The following NOS1 variants were observed in gnomAD, a reference collection of about 807,000 sequenced individuals.
NOS1 encodes nitric oxide synthase 1, also known as NOS type I.
Under a neutral mutation model 164.5 loss-of-function variants are expected in NOS1, and 51 were observed. The ratio of observed to expected loss-of-function variants is 0.31; its 90% CI spans 0.25 to 0.39. NOS1 has a LOEUF of 0.39. Ranked by LOEUF, NOS1 falls within the 10% of genes least tolerant of loss-of-function variation. NOS1 has a pLI of 1.00. For synonymous variants in NOS1, 719 were observed against 745.8 expected (o/e 0.96, Z 0.59); for missense variants, 1,362 against 1,885.6 (o/e 0.72, Z 5.14).
chr12:117,295,361 T>C (rs1374844274), intron 3 of NOS1, among the ~76,000 whole-genome samples: 2 of 152,224 alleles, frequency 1.3e-5, no homozygotes, highest in African/African-American at 4.8e-5. Flanking sequence ...CAAATGTTAG[T>C]ATCCATAAAT....
rs555196103 is a variant in NOS1 at position 117,315,208 on chromosome 12, ATTAT to A, written c.726-3620_726-3617del. On this transcript the variant is annotated intron_variant, in intron 2 of 28. Transcript: ENST00000317775. Reference sequence around the variant, plus strand: ...TGTGTGATGAGCACATAAAATTTTTATTATTTATTTTTTTTTAGATAGTCTTGCT... The same window carrying A: ...TGTGTGATGAGCACATAAAATTTTTATTATTTTTTTTTAGATAGTCTTGCT... 2.0e-4 allele frequency among the ~76,000 whole-genome samples: 31 copies of A among 151,994 alleles called. No homozygotes were observed. The South Asian group carries it at 6.0e-3, about 30-fold the overall frequency.
At chr12:117,277,885 G>C in intron 9 of NOS1, 74 bp downstream of exon 9, 2 of 1,494,036 alleles carry the variant, frequency 1.3e-6, no homozygotes, top group Non-Finnish European at 1.8e-6. Context: ...AAAGCCAGGG[G>C]GGATGGGGCT....
chr12:117,254,115 A>T lies in NOS1; in HGVS notation c.2532-361T>A, dbSNP rs941216949. Among the ~76,000 whole-genome samples the T allele has an allele frequency of 1.7e-4, 25 of 151,304 alleles. 2 individuals are homozygous for T. The highest frequency in any genetic ancestry group is 3.9e-4 in the East Asian group (2 of 5,148). On this transcript the variant is annotated intron_variant, in intron 16 of 28. Transcript: ENST00000317775. The stretch of plus-strand genomic sequence containing the variant: ...TCCCTTGTTTCTAAAAAAAAAAAAA[A>T]TTTTTTTTTGAGACAGAGTTTCACT...
In NOS1 at chr12:117,211,716, T is replaced by C. The variant is rs1956531135; in HGVS notation, c.*3593A>G. ...GAAGCTACCAGTGAAATCCCGCCCA[T>C]TTCTCAAACCCCAGAAATTTATGTC... On this transcript the variant is annotated 3_prime_UTR_variant, in exon 29 of 29. Coordinates refer to ENST00000317775, the MANE Select transcript of NOS1 (RefSeq NM_000620.5). 20 of 985,518 alleles carry C rather than the reference T, an allele frequency of 2.0e-5. No homozygotes were observed. Among genetic ancestry groups the C allele is most frequent in the Non-Finnish European group, 2.4e-5 (20 of 830,036 alleles). The allele number at this position is 985,518 out of a possible 1,614,324, so 61.0% of individuals were successfully genotyped here.
chr12:117,355,021 A>G (rs1566089005), intron 1 of NOS1, among the ~76,000 whole-genome samples: 1 of 152,202 alleles, frequency 6.6e-6, no homozygotes, highest in Non-Finnish European at 1.5e-5. Flanking sequence ...TTTAATCCTC[A>G]TGGTAGCAAA....
chr12:117,354,557 C>T (rs1876776086), intron 1 of NOS1, among the ~76,000 whole-genome samples: 2 of 152,192 alleles, frequency 1.3e-5, no homozygotes, highest in South Asian at 4.1e-4. Flanking sequence ...CAAAATATGT[C>T]AGTTGCTATC....
intron 20 of NOS1, among the ~76,000 whole-genome samples, chr12:117,235,369 C>T (rs1386293625): frequency 6.6e-6 from 1 of 152,100 alleles, no homozygotes; most frequent in African/African-American, 2.4e-5. Flanking sequence ...TGGATTCTAG[C>T]ACCCCATTCT....
chr12:117,317,144 G>T (rs1277264388), intron 2 of NOS1, among the ~76,000 whole-genome samples: 1 of 152,036 alleles, frequency 6.6e-6, no homozygotes, highest in Non-Finnish European at 1.5e-5. Context: ...GCCTCCCAAA[G>T]CGTTGGGATT....
intron 15 of NOS1, 29 bp downstream of exon 15, chr12:117,258,997 A>G (rs1266338650): frequency 6.6e-7 from 1 of 1,521,774 alleles, no homozygotes; most frequent in Admixed American, 1.7e-5. Context: ...ATGGAACCAC[A>G]CTCTTGAACA....
chr12:117,266,624 A>G (rs551554760), intron 11 of NOS1, among the ~76,000 whole-genome samples: 1 of 148,738 alleles, frequency 6.7e-6, no homozygotes, highest in Non-Finnish European at 1.5e-5. Context: ...CGCAACCTCT[A>G]TCTTCCAGGC....
intron 8 of NOS1, among the ~76,000 whole-genome samples, chr12:117,278,832 A>AATATTACT (rs1284157404): frequency 2.7e-5 from 4 of 149,436 alleles, no homozygotes; most frequent in Non-Finnish European, 5.9e-5. Flanking sequence ...TAGTATATTA[A>AATATTACT]ATATTACTAT....
intron 13 of NOS1, among the ~76,000 whole-genome samples, chr12:117,263,653 C>T (rs907890970): frequency 6.6e-6 from 1 of 150,518 alleles, no homozygotes; most frequent in East Asian, 2.0e-4. Context: ...CACCATTGCC[C>T]CCAGGACAAG....
chr12:117,277,875 A>C (rs549557071), intron 9 of NOS1, 84 bp downstream of exon 9: 4 of 1,472,458 alleles, frequency 2.7e-6, no homozygotes, highest in Non-Finnish European at 2.8e-6. Flanking sequence ...GACTAGAAAG[A>C]AAGCCAGGGG....
Position 117,286,387 on chromosome 12 carries a change from G to A in NOS1, c.1128-121C>T, listed in dbSNP as rs1179831909. The A allele has an allele frequency of 1.2e-5, 12 of 1,015,306 alleles. No homozygotes were observed. In the African/African-American group the frequency reaches 1.8e-4, roughly 15 times the overall value. 62.9% of individuals were successfully genotyped at this position (1,015,306 alleles called of 1,614,324 possible). On this transcript the variant is annotated intron_variant, in intron 5 of 28. Coordinates refer to ENST00000317775, the MANE Select transcript of NOS1 (RefSeq NM_000620.5). ...AAAAATTCCAAGTTGATTTCTGGAT[G>A]CAACAGTTTGATTTCTGGATGCAAG...
intron 7 of NOS1, among the ~76,000 whole-genome samples, chr12:117,283,855 C>CAAAAAAAAA (rs61448842): frequency 1.6e-5 from 1 of 63,710 alleles, no homozygotes; most frequent in African/African-American, 6.6e-5. Context: ...GACTCTGTCT[C>CAAAAAAAAA]AAAAAAAAAA....
rs767105869 is a variant in NOS1, at chr12:117,330,574, C to T, written c.496G>A (p.Gly166Arg). Residue 166 changes from glycine to arginine, a missense_variant, in exon 2 of 29, where the codon GGG becomes AGG. Gly to Arg is a moderately radical substitution (Grantham distance 125, BLOSUM62 -2). This residue lies in a region of NOS1 where 362 missense variants were observed against 402.0 expected (regional missense o/e 0.90). Coordinates refer to ENST00000317775, the MANE Select transcript of NOS1 (RefSeq NM_000620.5). This position sits in a 1 kb window ranked among gnomAD's most constrained non-coding sequence, Gnocchi z 4.6. ...TGGGGGAGTGAGCCAGCCTCCTGCC[C>T]ATCATCGTAGGCATGCTGAGGCCCA... The part of the protein sequence containing the change: ...GNGPQHAYDD[G>R]QEAGSLPHAN... 1.2e-5 allele frequency: 20 copies of T among 1,613,124 alleles called. No homozygotes were observed. Among genetic ancestry groups the T allele is most frequent in the Admixed American group, 1.0e-4 (6 of 59,964 alleles).
chr12:117,352,193 A>G (rs978736996), intron 1 of NOS1, among the ~76,000 whole-genome samples: 1 of 151,874 alleles, frequency 6.6e-6, no homozygotes, highest in African/African-American at 2.4e-5. Context: ...ACATACATAC[A>G]TACATACATA....
intron 3 of NOS1, among the ~76,000 whole-genome samples, chr12:117,302,630 A>T (rs1410263436): frequency 2.0e-5 from 3 of 150,502 alleles, no homozygotes; most frequent in African/African-American, 7.3e-5. Flanking sequence ...TAGTTGTCTG[A>T]CCAAGGTCAC....
At chr12:117,325,831 G>A (rs1400978009) in intron 2 of NOS1, among the ~76,000 whole-genome samples, 1 of 152,214 alleles carries the variant, frequency 6.6e-6, no homozygotes, top group African/African-American at 2.4e-5. Context: ...TCTATGCTTA[G>A]GCGCAAACAT....
Sources: gnomAD v4.1 joint callset for allele counts (sites outside exome capture counted in the v4.1 genomes callset) on GRCh38, gnomAD v4.1.1 for gene constraint, gnomAD v4.1.1 regional missense constraint, Gnocchi (gnomAD v3.1) non-coding constraint, MANE v1.5 for transcripts, NCBI Gene and HGNC (gene_info 2026-07-23, HGNC 2026-07-21) for gene names.